Variants in ZNF266 observed in about 807,000 individuals in gnomAD.
ZNF266 encodes the protein zinc finger protein 1.
ZNF266 carries 16 observed loss-of-function variants against 16.4 expected under a neutral mutation model. That is an observed-to-expected ratio of 0.98 (90% CI 0.66 to 1.48). ZNF266 has a LOEUF of 1.48. Among genes scored for constraint, ZNF266 ranks in the 40% most tolerant of loss-of-function variants. The pLI is 0.00. For missense variants in ZNF266, 738 were observed against 689.1 expected, an observed-to-expected ratio of 1.07 and a Z score of -0.79; for synonymous variants, 262 against 237.9, an observed-to-expected ratio of 1.10 and a Z score of -0.93.
intron 10 of ZNF266, 57 bp downstream of exon 10, chr19:9,415,597 T>C (rs1379956890): frequency 1.4e-6 from 2 of 1,414,152 alleles, no homozygotes; most frequent in South Asian, 1.2e-5. Context: ...TTTTCTATAA[T>C]GGAATCCCCA....
chr19:9,413,661 T>A lies in ZNF266; in HGVS notation c.1465A>T (p.Asn489Tyr). Residue 489 changes from asparagine to tyrosine, a missense_variant, in exon 11 of 11, where the codon AAT becomes TAT. Physicochemically the swap from Asn to Tyr is moderately radical, Grantham distance 143. Transcript: ENST00000592904. ...TGAATTCTCAAATGTCCACTAAGATTTGAAGAAATAGCAAAGGCTTTCCCA... is the reference window on the plus strand; with the variant it reads ...TGAATTCTCAAATGTCCACTAAGATATGAAGAAATAGCAAAGGCTTTCCCA... ...KCGKAFAISS[N>Y]LSGHLRIHTG... 1 of 1,613,622 alleles carries A rather than the reference T, an allele frequency of 6.2e-7. No individual in the cohort carries two copies. The highest frequency in any genetic ancestry group is 8.5e-7 in the Non-Finnish European group (1 of 1,179,878).
intron 5 of ZNF266, among the ~76,000 whole-genome samples, chr19:9,430,488 C>T (rs1250442593): frequency 6.6e-6 from 1 of 152,170 alleles, no homozygotes; most frequent in African/African-American, 2.4e-5. Flanking sequence ...ACCACTCTTG[C>T]CCCTTGGTTA....
At chr19:9,431,050 C>T (rs1426969825) in intron 5 of ZNF266, among the ~76,000 whole-genome samples, 1 of 152,218 alleles carries the variant, frequency 6.6e-6, no homozygotes, top group East Asian at 1.9e-4. Context: ...GAACACCTCT[C>T]CTCTTGGTCG....
chr19:9,415,848 G>T lies in ZNF266; in HGVS notation c.317-106C>A. 3 of 903,748 alleles carry T rather than the reference G, an allele frequency of 3.3e-6. No homozygotes were observed. The South Asian group carries it at 4.3e-5, about 13-fold the overall frequency. The allele number at this position is 903,748 out of a possible 1,614,324, so 56.0% of individuals were successfully genotyped here. A position where few individuals can be genotyped will look rare whatever the true frequency, so the allele number is the denominator to read the frequency against. On this transcript the variant is annotated intron_variant, in intron 9 of 10. Coordinates refer to ENST00000592904, the MANE Select transcript of ZNF266 (RefSeq NM_001370374.1). The stretch of plus-strand genomic sequence containing the variant: ...CTTGTTTTCTTTTTTTCTTGAGACG[G>T]TGTCTCACTCTGTTGCCCAGGCTGG...
intron 5 of ZNF266, among the ~76,000 whole-genome samples, chr19:9,430,896 G>A (rs1297435117): frequency 6.6e-6 from 1 of 152,184 alleles, no homozygotes; most frequent in African/African-American, 2.4e-5. Flanking sequence ...CCACCCACTG[G>A]TTAGCACCCG....
At chr19:9,418,392 C>G (rs2069381365) in intron 8 of ZNF266, 113 bp downstream of exon 8, 1 of 1,185,704 alleles carries the variant, frequency 8.4e-7, no homozygotes, top group African/African-American at 1.5e-5. Context: ...AGGGCAGGGA[C>G]TATGTCTGTT....
intron 5 of ZNF266, among the ~76,000 whole-genome samples, chr19:9,423,723 C>T (rs1051228567): frequency 2.0e-5 from 3 of 152,124 alleles, no homozygotes; most frequent in East Asian, 1.9e-4. Context: ...AGGCCAGGCG[C>T]GGTGGCTCAT....
At chr19:9,417,578 T>C (rs998177523) in intron 9 of ZNF266, among the ~76,000 whole-genome samples, 5 of 151,742 alleles carry the variant, frequency 3.3e-5, no homozygotes, top group African/African-American at 1.2e-4. Flanking sequence ...AATACAAAAA[T>C]TAGCCAGGCA....
chr19:9,418,004 G>A (rs1194729015), intron 8 of ZNF266, 96 bp from the exon 9 acceptor site: 1 of 1,271,916 alleles, frequency 7.9e-7, no homozygotes, highest in Non-Finnish European at 1.1e-6. Context: ...TGGAAGCAGT[G>A]AAATTATTTT....
intron 9 of ZNF266, among the ~76,000 whole-genome samples, chr19:9,416,675 T>TTC (rs1322861242): frequency 6.1e-5 from 8 of 131,242 alleles, no homozygotes; most frequent in Non-Finnish European, 1.3e-4. Flanking sequence ...TTTTTTTTTT[T>TTC]TTTTTTTTTT....
In ZNF266 at chr19:9,414,354, T is replaced by C. The variant is rs2068665920; in HGVS notation, c.772A>G (p.Arg258Gly). 6.2e-7 allele frequency: 1 copy of C among 1,614,036 alleles called. No individual in the cohort carries two copies. The highest frequency in any genetic ancestry group is 8.5e-7 in the Non-Finnish European group (1 of 1,180,022). The change falls in exon 11 of 11, where the codon AGA becomes GGA. Residue 258 changes from arginine (R) to glycine (G), a missense_variant. Transcript: ENST00000592904. ...AGGTCTGTGGAGTGAATAAAGCCTC[T>C]CCCACATTCCTTCCATTCATGGAGA... ...ESLHEWKECG[R>G]GFIHSTDLAV...
intron 5 of ZNF266, among the ~76,000 whole-genome samples, chr19:9,430,188 G>A (rs917800440): frequency 1.3e-5 from 2 of 152,120 alleles, no homozygotes; most frequent in African/African-American, 4.8e-5. Context: ...CCAGGGATGT[G>A]GAACATGTAG....
At chr19:9,421,853 CTTTTT>C (rs772219502) in intron 5 of ZNF266, among the ~76,000 whole-genome samples, 1 of 35,080 alleles carries the variant, frequency 2.9e-5, no homozygotes, top group Non-Finnish European at 6.2e-5. Flanking sequence ...CAAAACCTTT[CTTTTT>C]TTTTTTCTTT....
In ZNF266 at chr19:9,414,648, G is replaced by A. The variant is rs1309941184; in HGVS notation, c.478C>T (p.Leu160Phe). 1 of 1,603,910 alleles carries A rather than the reference G, an allele frequency of 6.2e-7. No individual in the cohort carries two copies. The highest frequency in any genetic ancestry group is 8.5e-7 in the Non-Finnish European group (1 of 1,171,362). The change falls in exon 11 of 11, where the codon CTT (leucine) becomes TTT (phenylalanine). Residue 160 changes from leucine to phenylalanine, a missense_variant. Transcript: ENST00000592904. Reference sequence around the variant, plus strand: ...TTTTGAGTTCTCACATGTGTCTTAAGGCATGAGTGTTCACTGGAGACATCT... The same window carrying A: ...TTTTGAGTTCTCACATGTGTCTTAAAGCATGAGTGTTCACTGGAGACATCT... ...CGDVSSEHSC[L>F]KTHVRTQNSE...
chr19:9,432,282 T>C lies in ZNF266; in HGVS notation c.-130+1386A>G, dbSNP rs1295624234. Among the ~76,000 whole-genome samples, 5 of 152,344 alleles carry C rather than the reference T, an allele frequency of 3.3e-5. No homozygotes were observed. In the South Asian group the frequency reaches 6.2e-4, roughly 19 times the overall value. On this transcript the variant is annotated intron_variant, in intron 5 of 10. Coordinates refer to ENST00000592904, the MANE Select transcript of ZNF266 (RefSeq NM_001370374.1). ...CTTACTTTTATCTTGATACACATAG[T>C]GTATACATTACTGTTGCTGTAGGGC...
At chr19:9,428,097 G>A (rs953274698) in intron 5 of ZNF266, among the ~76,000 whole-genome samples, 8 of 152,236 alleles carry the variant, frequency 5.3e-5, no homozygotes, top group African/African-American at 1.4e-4. Flanking sequence ...GCCCCAGGCC[G>A]TCTAGGAGAG....
chr19:9,425,779 G>C (rs1018009353), intron 5 of ZNF266, among the ~76,000 whole-genome samples: 3 of 152,154 alleles, frequency 2.0e-5, no homozygotes, highest in African/African-American at 7.2e-5. Flanking sequence ...CCTTAAGAGG[G>C]CAAGAGGGGC....
chr19:9,424,637 C>A (rs951384176), intron 5 of ZNF266, among the ~76,000 whole-genome samples: 6 of 152,152 alleles, frequency 3.9e-5, no homozygotes, highest in Non-Finnish European at 7.3e-5. Context: ...GTGTTTATAT[C>A]CATGTGTTTA....
At position 9,417,815 on chromosome 19, in the gene ZNF266, T is replaced by G; in HGVS notation, c.316+13A>C. ...GAACTTATTGACCAGGGCGGTCCTT[T>G]GTGAACACTCACCTTGGAAATCACC... On this transcript the variant is annotated intron_variant, in intron 9 of 10. Coordinates refer to ENST00000592904, the MANE Select transcript of ZNF266 (RefSeq NM_001370374.1). The G allele has an allele frequency of 6.2e-7, 1 of 1,613,148 alleles. No homozygotes were observed. The highest frequency in any genetic ancestry group is 2.2e-5 in the East Asian group (1 of 44,862).
Sources: gnomAD v4.1 joint callset for allele counts (sites outside exome capture counted in the v4.1 genomes callset) on GRCh38, gnomAD v4.1.1 for gene constraint, MANE v1.5 for transcripts, NCBI Gene and HGNC (gene_info 2026-07-23, HGNC 2026-07-21) for gene names.